Variants in ZMYM4 observed in about 807,000 individuals in gnomAD.
ZMYM4 encodes zinc finger MYM-type protein 4.
A neutral mutation model predicts 183.2 loss-of-function variants in ZMYM4; 31 were observed. The ratio of observed to expected loss-of-function variants is 0.17; its 90% CI spans 0.13 to 0.23. The LOEUF is 0.23. Among genes scored for constraint, ZMYM4 ranks in the 10% least tolerant of loss-of-function variants. The pLI, the probability that ZMYM4 is intolerant of heterozygous loss-of-function variation, is 1.00. For missense variants in ZMYM4, 1,273 were observed against 1,840.3 expected (o/e 0.69, Z 5.64); for synonymous variants, 592 against 631.2 (o/e 0.94, Z 0.93).
At chr1:35,293,313 GGTTTTT>G (rs1428450096) in intron 1 of ZMYM4, among the ~76,000 whole-genome samples, 2 of 151,832 alleles carry the variant, frequency 1.3e-5, no homozygotes, top group South Asian at 2.1e-4. Context: ...CCATTAACAT[GGTTTTT>G]GTTTTTGTTT....
rs994584487 is a variant in ZMYM4, at chr1:35,351,527, T to C, written c.86-7398T>C. The C allele has an allele frequency of 1.0e-5, 13 of 1,276,562 alleles. No homozygotes were observed. The African/African-American group carries it at 1.5e-4, about 15-fold the overall frequency. The allele number at this position is 1,276,562 out of a possible 1,614,324, so 79.1% of individuals were successfully genotyped here. A position where few individuals can be genotyped will look rare whatever the true frequency, so the allele number is the denominator to read the frequency against. ...GAAGAGGTGGAACCATCCCAAAATA[T>C]CCCTTGCTCAGAAGAAAGATCAGGT... is the stretch of plus-strand genomic sequence containing the variant. On this transcript the variant is annotated intron_variant, in intron 2 of 29. Transcript: ENST00000314607.
Position 35,314,292 on chromosome 1 carries a change from C to G in ZMYM4, c.40-11068C>G, listed in dbSNP as rs535103200. Among the ~76,000 whole-genome samples, 14 of 148,478 alleles carry G rather than the reference C, an allele frequency of 9.4e-5. No individual in the cohort carries two copies. The East Asian group carries it at 2.6e-3, about 27-fold the overall frequency. On this transcript the variant is annotated intron_variant, in intron 1 of 29. Transcript: ENST00000314607. ...TCCCTCAAAAAAAAAATAGTTTACT[C>G]TTTTTTTTTTGAGACGGAGTCTTGC...
At chr1:35,278,615 C>T (rs927809718) in intron 1 of ZMYM4, among the ~76,000 whole-genome samples, 10 of 151,930 alleles carry the variant, frequency 6.6e-5, no homozygotes, top group South Asian at 2.1e-4. Context: ...TTAGTGGAGA[C>T]GGGGTTTCAC....
intron 2 of ZMYM4, among the ~76,000 whole-genome samples, chr1:35,328,699 C>G (rs532656855): frequency 6.6e-6 from 1 of 152,050 alleles, no homozygotes; most frequent in East Asian, 1.9e-4. Context: ...GTTGAAAGCC[C>G]TGGAGGCAGA....
intron 1 of ZMYM4, among the ~76,000 whole-genome samples, chr1:35,322,498 C>T (rs1305083934): frequency 6.6e-6 from 1 of 151,580 alleles, no homozygotes; most frequent in Non-Finnish European, 1.5e-5. Context: ...ATTTTTTCAC[C>T]TTAAATGGTT....
At chr1:35,388,877 C>T in intron 13 of ZMYM4, 33 bp from the exon 14 acceptor site, 1 of 1,604,062 alleles carries the variant, frequency 6.2e-7, no homozygotes, top group South Asian at 1.1e-5. Context: ...AATACTTCTA[C>T]CTAATGTTAA....
At chr1:35,275,973 A>C (rs1639850329) in intron 1 of ZMYM4, among the ~76,000 whole-genome samples, 1 of 152,180 alleles carries the variant, frequency 6.6e-6, no homozygotes, top group Admixed American at 6.5e-5. Flanking sequence ...AATTTCATTC[A>C]TATCATCTTT....
chr1:35,368,865 G>C (rs1473334643), intron 5 of ZMYM4, among the ~76,000 whole-genome samples: 1 of 152,146 alleles, frequency 6.6e-6, no homozygotes, highest in Non-Finnish European at 1.5e-5. Context: ...CAGTAATACT[G>C]ATTTGGTATT....
At chr1:35,344,053 C>G (rs1016355379) in intron 2 of ZMYM4, among the ~76,000 whole-genome samples, 4 of 150,262 alleles carry the variant, frequency 2.7e-5, no homozygotes, top group Non-Finnish European at 1.5e-5. Flanking sequence ...TGGAATATTT[C>G]TTTTTTCCTT....
intron 1 of ZMYM4, among the ~76,000 whole-genome samples, chr1:35,319,829 A>G (rs2148808026): frequency 6.6e-6 from 1 of 152,298 alleles, no homozygotes; most frequent in South Asian, 2.1e-4. Flanking sequence ...AAAGTATACA[A>G]ATTATTTGAA....
At chr1:35,357,677 A>C (rs1643865636) in intron 2 of ZMYM4, among the ~76,000 whole-genome samples, 1 of 152,206 alleles carries the variant, frequency 6.6e-6, no homozygotes, top group Non-Finnish European at 1.5e-5. Context: ...TCTGAGGGAA[A>C]TATAAGAAGC....
intron 1 of ZMYM4, among the ~76,000 whole-genome samples, chr1:35,271,582 T>C (rs1557879103): frequency 6.6e-6 from 1 of 152,158 alleles, no homozygotes; most frequent in African/African-American, 2.4e-5. Context: ...TTTGTATTTT[T>C]AGTAAAGATG....
At position 35,397,055 on chromosome 1, in the gene ZMYM4, C is replaced by T. The variant is rs3768336; in HGVS notation, c.3031-322C>T. Reference sequence around the variant, plus strand: ...ATTACAAATTTATTTTTCCCAGGTACTGAGTCCTTAAAGGAAACAGTTATG... The same window carrying T: ...ATTACAAATTTATTTTTCCCAGGTATTGAGTCCTTAAAGGAAACAGTTATG... On this transcript the variant is annotated intron_variant, in intron 19 of 29. Transcript: ENST00000314607. 8.4e-3 allele frequency: 8,674 copies of T among 1,033,036 alleles called. 585 individuals carry two copies. In the East Asian group the frequency reaches 0.23, roughly 27 times the overall value. 64.0% of individuals were successfully genotyped at this position (1,033,036 alleles called of 1,614,324 possible).
intron 2 of ZMYM4, among the ~76,000 whole-genome samples, chr1:35,355,477 C>T (rs531648883): frequency 3.1e-4 from 47 of 152,032 alleles, no homozygotes; most frequent in Non-Finnish European, 6.3e-4. Flanking sequence ...TTTGTTTGAG[C>T]CCTTTGCTTT....
intron 1 of ZMYM4, among the ~76,000 whole-genome samples, chr1:35,284,056 A>G (rs1350431821): frequency 6.6e-6 from 1 of 151,410 alleles, no homozygotes. Context: ...GGCTCACTGC[A>G]AGCTCCGCTT....
chr1:35,319,324 G>C (rs185769839), intron 1 of ZMYM4, among the ~76,000 whole-genome samples: 1 of 152,130 alleles, frequency 6.6e-6, no homozygotes, highest in East Asian at 1.9e-4. Flanking sequence ...GTAGCTGCCT[G>C]TATAAAAAAT....
chr1:35,277,757 T>A (rs960485193), intron 1 of ZMYM4, among the ~76,000 whole-genome samples: 12 of 152,170 alleles, frequency 7.9e-5, no homozygotes, highest in African/African-American at 2.7e-4. Context: ...GATAAATGCT[T>A]ATTTTTTTCC....
chr1:35,355,200 C>CTTT lies in ZMYM4; in HGVS notation c.86-3700_86-3698dup, dbSNP rs1013941289. Among the ~76,000 whole-genome samples the CTTT allele has an allele frequency of 7.0e-4, 54 of 77,198 alleles. 4 individuals carry two copies. Among genetic ancestry groups the CTTT allele is most frequent in the African/African-American group, 2.2e-3 (42 of 19,242 alleles). 50.6% of individuals were successfully genotyped at this position (77,198 alleles called of 152,430 possible). A position where few individuals can be genotyped will look rare whatever the true frequency, so the allele number is the denominator to read the frequency against. On this transcript the variant is annotated intron_variant, in intron 2 of 29. Coordinates refer to ENST00000314607, the MANE Select transcript of ZMYM4 (RefSeq NM_005095.3). Reference sequence around the variant, plus strand: ...AGGTGCCCGTCACCACGCCTGGCTTCTTTTTTTTTTTTTTTTTTTTTTTTT... The same window carrying CTTT: ...AGGTGCCCGTCACCACGCCTGGCTTCTTTTTTTTTTTTTTTTTTTTTTTTTTTT...
rs763576028 is a variant in ZMYM4 at position 35,387,228 on chromosome 1, C to G, written c.2062C>G (p.Gln688Glu). 1 of 1,614,178 alleles carries G rather than the reference C, an allele frequency of 6.2e-7. No individual in the cohort carries two copies. The highest frequency in any genetic ancestry group is 1.1e-5 in the South Asian group (1 of 91,078). Residue 688 changes from glutamine (Q) to glutamate (E), a missense_variant, in exon 12 of 30, where the codon CAA becomes GAA. Gln to Glu is a conservative substitution (Grantham distance 29). This residue lies in a region of ZMYM4 where 319 missense variants were observed against 518.1 expected (regional missense o/e 0.62). Transcript: ENST00000314607. ...ACGAAGTGTTGTGAAACTCAAATGT[C>G]AACACTGTAACCGTCTTTTTGCCAC... ...FARSVVKLKC[Q>E]HCNRLFATKP... is the part of the protein sequence containing the mutation.
Sources: gnomAD v4.1 joint callset for allele counts (sites outside exome capture counted in the v4.1 genomes callset) on GRCh38, gnomAD v4.1.1 for gene constraint, gnomAD v4.1.1 regional missense constraint, MANE v1.5 for transcripts, NCBI Gene and HGNC (gene_info 2026-07-23, HGNC 2026-07-21) for gene names.